The following MICAL2 variants were observed in gnomAD, a reference collection of about 807,000 sequenced individuals.
MICAL2 encodes the protein [F-actin]-monooxygenase MICAL2.
A neutral mutation model predicts 127.3 loss-of-function variants in MICAL2; 77 were observed. The ratio of observed to expected loss-of-function variants is 0.60; its 90% confidence interval spans 0.50 to 0.73. MICAL2 has a LOEUF of 0.73. MICAL2 is among the 30% of genes least tolerant of loss of function. The pLI is 0.00. For missense variants in MICAL2, 1,351 were observed against 1,434.4 expected (o/e 0.94, Z 0.94); for synonymous variants, 570 against 551.1 (o/e 1.03, Z -0.48).
chr11:12,281,113 C>T (rs376333284), intron 2 of MICAL2: 37 of 398,758 alleles, frequency 9.3e-5, no homozygotes, highest in Middle Eastern at 6.3e-4. Context: ...AGCAGAGAGC[C>T]CACCAGGCTT....
intron 32 of MICAL2, among the ~76,000 whole-genome samples, chr11:12,341,686 G>A (rs1938868511): frequency 1.3e-5 from 2 of 152,146 alleles, no homozygotes; most frequent in Non-Finnish European, 2.9e-5. Flanking sequence ...AATTAGCCGA[G>A]CATGGTGGCG....
At chr11:12,337,780 A>G (rs1938792759) in intron 32 of MICAL2, among the ~76,000 whole-genome samples, 1 of 151,956 alleles carries the variant, frequency 6.6e-6, no homozygotes, top group African/African-American at 2.4e-5. Context: ...GAGTTTCTTA[A>G]TCCTGAGTTC....
Position 12,236,253 on chromosome 11 carries a change from TAC to T in MICAL2, c.2064+12_2064+13del. 3.1e-6 allele frequency: 5 copies of T among 1,613,652 alleles called. No homozygotes were observed. The highest frequency in any genetic ancestry group is 4.2e-6 in the Non-Finnish European group (5 of 1,179,512). ...TTCACCAACCTGGACGAGGTTTGTG[TAC>T]ACAGTGTGGCTTTAAACAGAGGCTC... On this transcript the variant is annotated intron_variant, in intron 16 of 27. Transcript: ENST00000683283.
intron 9 of MICAL2, among the ~76,000 whole-genome samples, chr11:12,221,204 G>A (rs1036440074): frequency 6.6e-6 from 1 of 152,144 alleles, no homozygotes; most frequent in African/African-American, 2.4e-5. Flanking sequence ...CTCCTCCCAT[G>A]CTCCATGTTA....
At chr11:12,171,938 CTGA>C (rs1856312930) in intron 3 of MICAL2, among the ~76,000 whole-genome samples, 1 of 152,158 alleles carries the variant, frequency 6.6e-6, no homozygotes. Flanking sequence ...AAAATGATTA[CTGA>C]GATATTTTGC....
At chr11:12,238,978 C>G (rs893379008) in intron 16 of MICAL2, among the ~76,000 whole-genome samples, 1 of 122,128 alleles carries the variant, frequency 8.2e-6, no homozygotes, top group Non-Finnish European at 1.5e-5. Context: ...GCCTGAGTGA[C>G]CCCACCCGTG....
At chr11:12,294,827 C>CCTCCTA, downstream of MICAL2, 1 of 1,517,882 alleles carries the variant, frequency 6.6e-7, no homozygotes, top group Non-Finnish European at 8.8e-7. Flanking sequence ...TCCTCCTCCT[C>CCTCCTA]CTCCTCCTCC....
At chr11:12,167,575 G>C (rs1855663981) in intron 3 of MICAL2, among the ~76,000 whole-genome samples, 1 of 152,162 alleles carries the variant, frequency 6.6e-6, no homozygotes, top group Non-Finnish European at 1.5e-5. Flanking sequence ...GGCTGCGCTG[G>C]CTCAGACACT....
chr11:12,342,849 A>T (rs1026006550), intron 32 of MICAL2, among the ~76,000 whole-genome samples: 2 of 152,102 alleles, frequency 1.3e-5, no homozygotes, highest in Non-Finnish European at 2.9e-5. Context: ...TGCTTCTTTC[A>T]CTTTGCTCTA....
chr11:12,354,080 T>C (rs1565313988), intron 33 of MICAL2, among the ~76,000 whole-genome samples: 1 of 152,230 alleles, frequency 6.6e-6, no homozygotes, highest in Non-Finnish European at 1.5e-5. Context: ...TGAGAGCACA[T>C]TGCAGCCTTC....
intron 1 of MICAL2, among the ~76,000 whole-genome samples, chr11:12,132,587 G>A (rs1250744081): frequency 1.3e-5 from 2 of 152,246 alleles, no homozygotes; most frequent in East Asian, 1.9e-4. Context: ...AAAGAGAATA[G>A]CCATTAGCTG....
intron 3 of MICAL2, among the ~76,000 whole-genome samples, chr11:12,192,605 C>T (rs1030263840): frequency 2.0e-5 from 3 of 152,198 alleles, no homozygotes; most frequent in African/African-American, 7.2e-5. Flanking sequence ...TGGTGAAACC[C>T]CGTCTCTATT....
chr11:12,272,443 G>A (rs574342454), upstream of MICAL2, among the ~76,000 whole-genome samples: 30 of 152,284 alleles, frequency 2.0e-4, no homozygotes, highest in African/African-American at 6.7e-4. Flanking sequence ...AGAGATCCTT[G>A]AAGGCAGGGA....
At chr11:12,319,472 G>T (rs1697281916) in intron 29 of MICAL2, among the ~76,000 whole-genome samples, 1 of 150,062 alleles carries the variant, frequency 6.7e-6, no homozygotes, top group South Asian at 2.1e-4. Context: ...TGTGAAAAGA[G>T]AGCTGCAAAG....
At chr11:12,180,349 A>ATATTTT (rs11403732) in intron 3 of MICAL2, among the ~76,000 whole-genome samples, 1 of 139,682 alleles carries the variant, frequency 7.2e-6, no homozygotes, top group African/African-American at 2.7e-5. Context: ...ATATGTATAT[A>ATATTTT]TTTTTTTTTT....
chr11:12,353,949 AAG>A (rs975242517), intron 33 of MICAL2, among the ~76,000 whole-genome samples: 2 of 152,140 alleles, frequency 1.3e-5, no homozygotes, highest in East Asian at 3.9e-4. Context: ...TTACTCCTAA[AAG>A]AGAGAAAAGC....
chr11:12,220,085 C>CT (rs1386690549), intron 8 of MICAL2, 116 bp from the exon 9 acceptor site: 14 of 1,246,780 alleles, frequency 1.1e-5, no homozygotes, highest in Non-Finnish European at 1.6e-5. Flanking sequence ...TTTTATATGT[C>CT]TTTTCTGACT....
chr11:12,261,238 C>T (rs1565277550), intron 26 of MICAL2: 2 of 985,382 alleles, frequency 2.0e-6, no homozygotes, highest in Non-Finnish European at 2.4e-6. Flanking sequence ...CGCTGCCACA[C>T]ATATGTGGTC....
In MICAL2 at chr11:12,233,589, C is replaced by T. The variant is rs562220880; in HGVS notation, c.1996-2588C>T. On this transcript the variant is annotated intron_variant, in intron 15 of 27. Coordinates refer to ENST00000683283, the MANE Select transcript of MICAL2 (RefSeq NM_001282663.2). ...AAATGTTCAGATTGGCAGATATCTA[C>T]GTCTTTGATTTTTTTTAATAGGAAA... Among the ~76,000 whole-genome samples the T allele has an allele frequency of 3.5e-4, 54 of 152,244 alleles. No homozygotes were observed. The East Asian group carries it at 3.7e-3, about 10-fold the overall frequency.
Sources: gnomAD v4.1 joint callset for allele counts (sites outside exome capture counted in the v4.1 genomes callset) on GRCh38, gnomAD v4.1.1 for gene constraint, MANE v1.5 for transcripts, NCBI Gene and HGNC (gene_info 2026-07-23, HGNC 2026-07-21) for gene names.